Variants in DTNBP1 observed in about 807,000 individuals in gnomAD.
The protein encoded by DTNBP1 is dystrobrevin binding protein 1, also known as dysbindin.
In DTNBP1, 35 loss-of-function variants were observed where a neutral mutation model predicts 42.8. That is an observed-to-expected ratio of 0.82 (90% CI 0.63 to 1.09). The LOEUF (loss-of-function observed/expected upper bound fraction) is 1.09, where lower values mean the gene tolerates loss of function less well. Ranked by LOEUF, DTNBP1 falls within the 50% of genes least tolerant of loss-of-function variation. The pLI is 0.00. For synonymous variants in DTNBP1, 171 were observed against 162.2 expected, an observed-to-expected ratio of 1.05 and a Z score of -0.41; for missense variants, 457 against 424.2, an observed-to-expected ratio of 1.08 and a Z score of -0.68.
At chr6:15,579,508 T>C (rs1203223389) in intron 7 of DTNBP1, among the ~76,000 whole-genome samples, 1 of 152,186 alleles carries the variant, frequency 6.6e-6, no homozygotes, top group African/African-American at 2.4e-5. Context: ...TTCAAATAGC[T>C]ATAAAAGTGG....
intron 4 of DTNBP1, among the ~76,000 whole-genome samples, chr6:15,630,916 C>CA (rs987486038): frequency 3.2e-4 from 48 of 150,032 alleles, no homozygotes; most frequent in African/African-American, 7.1e-4. Context: ...GACTCCGTCT[C>CA]AAAAAAAAAG....
At chr6:15,579,791 G>C (rs1039760506) in intron 7 of DTNBP1, 1 of 451,998 alleles carries the variant, frequency 2.2e-6, no homozygotes, top group African/African-American at 2.0e-5. Context: ...CTGGCCGACA[G>C]AGTGAGACTC....
At chr6:15,569,532 C>T (rs1036454023) in intron 7 of DTNBP1, among the ~76,000 whole-genome samples, 2 of 151,968 alleles carry the variant, frequency 1.3e-5, no homozygotes, top group Admixed American at 1.3e-4. Context: ...CGGTTTCCTC[C>T]CATCTCCTCT....
At chr6:15,583,303 T>C (rs1479088908) in intron 7 of DTNBP1, among the ~76,000 whole-genome samples, 4 of 152,208 alleles carry the variant, frequency 2.6e-5, no homozygotes, top group African/African-American at 7.2e-5. Context: ...ATTTATGCTA[T>C]AGGCATACCT....
At chr6:15,584,003 T>C (rs1008541631) in intron 7 of DTNBP1, among the ~76,000 whole-genome samples, 2 of 152,088 alleles carry the variant, frequency 1.3e-5, no homozygotes, top group African/African-American at 4.8e-5. Flanking sequence ...GGTATTAGAA[T>C]AAACAATCAA....
chr6:15,626,115 TAC>T (rs1426330704), intron 5 of DTNBP1, among the ~76,000 whole-genome samples: 1 of 152,208 alleles, frequency 6.6e-6, no homozygotes, highest in Non-Finnish European at 1.5e-5. Flanking sequence ...TACTGCCTCA[TAC>T]TGATATTGAG....
Position 15,613,435 on chromosome 6 carries a change from C to T in DTNBP1, c.488+1832G>A, listed in dbSNP as rs1384399264. On this transcript the variant is annotated intron_variant, in intron 6 of 9. Transcript: ENST00000344537. The stretch of plus-strand genomic sequence containing the variant: ...AGGATGGAGTGCAGTGGCGCGATCT[C>T]GGCTCACTGCAAGCTGCGCCTCCCG... Among the ~76,000 whole-genome samples, 24 of 125,580 alleles carry T rather than the reference C, an allele frequency of 1.9e-4. No homozygotes were observed. The South Asian group carries it at 2.6e-3, about 13-fold the overall frequency. The allele number at this position is 125,580 out of a possible 152,430, so 82.4% of individuals were successfully genotyped here.
chr6:15,563,352 G>A (rs943398346), intron 7 of DTNBP1, among the ~76,000 whole-genome samples: 2 of 152,136 alleles, frequency 1.3e-5, no homozygotes, highest in Non-Finnish European at 2.9e-5. Flanking sequence ...CATAAAAAAA[G>A]AAAATAATAA....
intron 5 of DTNBP1, among the ~76,000 whole-genome samples, chr6:15,618,403 T>C (rs1581399353): frequency 1.3e-5 from 2 of 151,892 alleles, no homozygotes; most frequent in South Asian, 2.1e-4. Flanking sequence ...GGGACAAAGA[T>C]TGAAAAACTA....
intron 5 of DTNBP1, among the ~76,000 whole-genome samples, chr6:15,621,718 T>C (rs934243682): frequency 6.6e-6 from 1 of 152,242 alleles, no homozygotes; most frequent in Non-Finnish European, 1.5e-5. Flanking sequence ...TTCAGAGAGC[T>C]ACTGCTCTCT....
intron 3 of DTNBP1, among the ~76,000 whole-genome samples, chr6:15,647,091 G>C (rs1199392744): frequency 6.6e-6 from 1 of 151,960 alleles, no homozygotes; most frequent in Non-Finnish European, 1.5e-5. Context: ...GAAAGTTTTT[G>C]CAAACTATGC....
At chr6:15,629,230 G>T (rs560656530) in intron 4 of DTNBP1, among the ~76,000 whole-genome samples, 1 of 152,180 alleles carries the variant, frequency 6.6e-6, no homozygotes, top group Non-Finnish European at 1.5e-5. Flanking sequence ...GGATACTGAA[G>T]ATGTAATGAT....
intron 4 of DTNBP1, among the ~76,000 whole-genome samples, chr6:15,631,399 A>G (rs1759686463): frequency 6.6e-6 from 1 of 152,212 alleles, no homozygotes; most frequent in African/African-American, 2.4e-5. Context: ...TCTCCTGTAT[A>G]TATTGTTAAT....
At chr6:15,561,333 T>C (rs1774830813) in intron 7 of DTNBP1, among the ~76,000 whole-genome samples, 1 of 152,260 alleles carries the variant, frequency 6.6e-6, no homozygotes, top group Non-Finnish European at 1.5e-5. Context: ...ATAATTTTAC[T>C]TATTTTGCTT....
chr6:15,524,352 C>T, intron 9 of DTNBP1, 174 bp downstream of exon 9: 1 of 1,613,186 alleles, frequency 6.2e-7, no homozygotes, highest in East Asian at 2.2e-5. Flanking sequence ...AACCACACCA[C>T]TGTTGCAGCT....
In DTNBP1 at chr6:15,591,110, C is replaced by CT. The variant is rs1293474353; in HGVS notation, c.511+1948dup. Among the ~76,000 whole-genome samples the CT allele has an allele frequency of 5.8e-3, 808 of 140,030 alleles. 12 individuals are homozygous for CT. In the East Asian group the frequency reaches 0.062, roughly 11 times the overall value. 91.9% of individuals were successfully genotyped at this position (140,030 alleles called of 152,430 possible). On this transcript the variant is annotated intron_variant, in intron 7 of 9. Coordinates refer to ENST00000344537, the MANE Select transcript of DTNBP1 (RefSeq NM_032122.5). ...TTTCTGTTTTTCTTGTTATAGGGTA[C>CT]TTTTTTTTTTTTTTTTGAGACAAGA...
chr6:15,552,993 A>T (rs1446013134), intron 7 of DTNBP1, among the ~76,000 whole-genome samples: 1 of 152,232 alleles, frequency 6.6e-6, no homozygotes, highest in Non-Finnish European at 1.5e-5. Flanking sequence ...AAAAAGTTTC[A>T]TCTAAGCTCA....
chr6:15,581,414 G>A (rs1440145687), intron 7 of DTNBP1, among the ~76,000 whole-genome samples: 2 of 150,376 alleles, frequency 1.3e-5, no homozygotes, highest in Non-Finnish European at 3.0e-5. Flanking sequence ...TCCTGACCTC[G>A]TGATCCACCC....
At chr6:15,547,213 ATTAT>A (rs1167777693) in intron 7 of DTNBP1, among the ~76,000 whole-genome samples, 6 of 152,296 alleles carry the variant, frequency 3.9e-5, no homozygotes, top group African/African-American at 1.4e-4. Context: ...GTGAGTGAAA[ATTAT>A]TTATTAAAGA....
Sources: allele counts gnomAD v4.1 joint callset (sites outside exome capture counted in the v4.1 genomes callset), GRCh38; gene constraint gnomAD v4.1.1; transcripts MANE v1.5; gene names NCBI Gene and HGNC (gene_info 2026-07-23, HGNC 2026-07-21).